AGBL1: variants seen among roughly 807,000 people sequenced by gnomAD.
The protein encoded by AGBL1 is cytosolic carboxypeptidase 4.
In AGBL1, 130 loss-of-function variants were observed where a neutral mutation model predicts 118.9. That is an observed-to-expected ratio of 1.09 (90% CI 0.95 to 1.26). The LOEUF (loss-of-function observed/expected upper bound fraction) is 1.26. Ranked by LOEUF, AGBL1 falls within the 50% of genes most tolerant of loss-of-function variation. The pLI is 0.00. For synonymous variants in AGBL1, 555 were observed against 478.9 expected (o/e 1.16, Z -2.08); for missense variants, 1,584 against 1,298.1 (o/e 1.22, Z -3.38).
At chr15:86,505,763 A>T (rs2082969362) in intron 18 of AGBL1, among the ~76,000 whole-genome samples, 1 of 151,962 alleles carries the variant, frequency 6.6e-6, no homozygotes, top group Non-Finnish European at 1.5e-5. Context: ...CAGTAAGTTC[A>T]ATATCTGGGC....
intron 21 of AGBL1, among the ~76,000 whole-genome samples, chr15:86,572,817 G>A (rs1391725378): frequency 6.6e-6 from 1 of 152,216 alleles, no homozygotes; most frequent in African/African-American, 2.4e-5. Context: ...CATCAGTGTG[G>A]CACTGCTGCC....
chr15:86,243,755 T>C (rs1439632343), intron 6 of AGBL1, among the ~76,000 whole-genome samples: 1 of 152,172 alleles, frequency 6.6e-6, no homozygotes, highest in Non-Finnish European at 1.5e-5. Context: ...ACGCCTGTAA[T>C]TCCAGCACTT....
intron 22 of AGBL1, among the ~76,000 whole-genome samples, chr15:86,742,761 G>C (rs1253223086): frequency 6.6e-6 from 1 of 152,048 alleles, no homozygotes; most frequent in Non-Finnish European, 1.5e-5. Context: ...ATAGAATCTG[G>C]GTAAATACAA....
intron 17 of AGBL1, among the ~76,000 whole-genome samples, chr15:86,333,532 C>A (rs1036106004): frequency 2.0e-5 from 3 of 152,070 alleles, no homozygotes; most frequent in African/African-American, 7.2e-5. Flanking sequence ...AAAAATTAAT[C>A]AGTAATGAAA....
intron 22 of AGBL1, among the ~76,000 whole-genome samples, chr15:86,843,602 G>A (rs1424361120): frequency 6.6e-6 from 1 of 152,074 alleles, no homozygotes; most frequent in African/African-American, 2.4e-5. Context: ...AGGGAAATAA[G>A]GCAACGCCGA....
chr15:86,856,267 C>T (rs148013452), intron 22 of AGBL1, among the ~76,000 whole-genome samples: 1 of 152,280 alleles, frequency 6.6e-6, no homozygotes, highest in Non-Finnish European at 1.5e-5. Flanking sequence ...GGAGAAAGTC[C>T]TCTTTCTCTG....
intron 5 of AGBL1, among the ~76,000 whole-genome samples, chr15:86,178,942 G>C (rs1280665797): frequency 6.6e-6 from 1 of 152,168 alleles, no homozygotes; most frequent in Non-Finnish European, 1.5e-5. Context: ...CAATGCAATA[G>C]AAATTGACAT....
chr15:86,221,436 G>A (rs1465824418), intron 5 of AGBL1, among the ~76,000 whole-genome samples: 1 of 152,172 alleles, frequency 6.6e-6, no homozygotes, highest in Non-Finnish European at 1.5e-5. Flanking sequence ...GCTTTTTGTG[G>A]GCTTAGCAGT....
At chr15:86,695,804 G>T (rs192092070) in intron 22 of AGBL1, among the ~76,000 whole-genome samples, 1 of 151,850 alleles carries the variant, frequency 6.6e-6, no homozygotes, top group African/African-American at 2.4e-5. Context: ...CACTATTATT[G>T]TTCAGTTCAA....
At chr15:86,322,340 G>T (rs145446077) in intron 17 of AGBL1, among the ~76,000 whole-genome samples, 1 of 151,794 alleles carries the variant, frequency 6.6e-6, no homozygotes, top group East Asian at 1.9e-4. Flanking sequence ...TGTTAGGTGC[G>T]TATAAATTTA....
At chr15:86,284,837 C>G (rs767099120) in intron 16 of AGBL1, among the ~76,000 whole-genome samples, 1 of 152,144 alleles carries the variant, frequency 6.6e-6, no homozygotes, top group African/African-American at 2.4e-5. Context: ...ACTGAGGACT[C>G]CTGTGGAGAG....
At chr15:86,553,975 C>G (rs1357927577) in intron 20 of AGBL1, among the ~76,000 whole-genome samples, 3 of 152,108 alleles carry the variant, frequency 2.0e-5, no homozygotes, top group African/African-American at 7.2e-5. Flanking sequence ...ATTCTCCTAC[C>G]TCAGCCTCCT....
intron 22 of AGBL1, among the ~76,000 whole-genome samples, chr15:86,730,869 C>T (rs2077517741): frequency 6.6e-6 from 1 of 151,976 alleles, no homozygotes; most frequent in Non-Finnish European, 1.5e-5. Context: ...ACTCTGTTGC[C>T]CAGGCTGGAG....
At chr15:86,641,836 G>A (rs1363874955) in intron 21 of AGBL1, among the ~76,000 whole-genome samples, 1 of 152,144 alleles carries the variant, frequency 6.6e-6, no homozygotes, top group Non-Finnish European at 1.5e-5. Context: ...AAACTACTCT[G>A]TAACTCAGTA....
At chr15:86,745,646 C>G (rs541783919) in intron 22 of AGBL1, among the ~76,000 whole-genome samples, 1 of 152,004 alleles carries the variant, frequency 6.6e-6, no homozygotes, top group African/African-American at 2.4e-5. Flanking sequence ...TAAATCCCAC[C>G]TCCCGATTTT....
chr15:86,639,386 G>A (rs2085155027), intron 21 of AGBL1, among the ~76,000 whole-genome samples: 1 of 152,192 alleles, frequency 6.6e-6, no homozygotes, highest in Non-Finnish European at 1.5e-5. Context: ...CAACTCCAAA[G>A]TGTTACTCTG....
intron 24 of AGBL1, among the ~76,000 whole-genome samples, chr15:87,013,728 A>T (rs1294169828): frequency 6.6e-6 from 1 of 152,098 alleles, no homozygotes; most frequent in Non-Finnish European, 1.5e-5. Flanking sequence ...CCGACTGAAG[A>T]ATTTGGAGGG....
At chr15:86,650,642 CA>C (rs755747545) in intron 21 of AGBL1, among the ~76,000 whole-genome samples, 9 of 151,828 alleles carry the variant, frequency 5.9e-5, no homozygotes, top group Admixed American at 2.6e-4. Context: ...TTAAAAAGGA[CA>C]AAGAAAAAAA....
chr15:86,539,031 A>C (rs1029061844), intron 19 of AGBL1, among the ~76,000 whole-genome samples: 2 of 152,200 alleles, frequency 1.3e-5, no homozygotes, highest in Non-Finnish European at 2.9e-5. Flanking sequence ...TTAACCTTGC[A>C]ATTTAGCTCA....
Sources: allele counts gnomAD v4.1 joint callset (sites outside exome capture counted in the v4.1 genomes callset), GRCh38; gene constraint gnomAD v4.1.1; transcripts MANE v1.5; gene names NCBI Gene and HGNC (gene_info 2026-07-23, HGNC 2026-07-21).